The following LHX6 variants were observed in gnomAD, a reference collection of about 807,000 sequenced individuals.
LHX6 encodes the protein LIM/homeobox protein Lhx6.
LHX6 carries 15 observed loss-of-function variants against 47.1 expected under a neutral mutation model. The observed-to-expected ratio is 0.32, with a 90% confidence interval of 0.21 to 0.49. The LOEUF is 0.49. LHX6 is among the 20% of genes least tolerant of loss of function. LHX6 has a pLI of 0.99. For synonymous variants in LHX6, 242 were observed against 233.5 expected, an observed-to-expected ratio of 1.04 and a Z score of -0.33; for missense variants, 404 against 539.6, an observed-to-expected ratio of 0.75 and a Z score of 2.49.
Position 122,217,009 on chromosome 9 carries a change from G to T in LHX6, c.682+59C>A. 7.2e-7 allele frequency: 1 copy of T among 1,392,318 alleles called. No individual in the cohort carries two copies. The highest frequency in any genetic ancestry group is 2.3e-5 in the East Asian group (1 of 43,190). 86.2% of individuals were successfully genotyped at this position (1,392,318 alleles called of 1,614,324 possible). On this transcript the variant is annotated intron_variant, in intron 5 of 9. Transcript: ENST00000394319. The surrounding 1 kb of genome is among the most constrained non-coding windows in gnomAD (Gnocchi z 4.9). ...GTGTGGGTGGTTCCTGGGGTGCTGG[G>T]GTGGGGTGGGGTGGGAAAGGGCTGG...
At chr9:122,210,101 GA>G (rs749896225) in intron 8 of LHX6, among the ~76,000 whole-genome samples, 1 of 152,064 alleles carries the variant, frequency 6.6e-6, no homozygotes, top group East Asian at 1.9e-4. Flanking sequence ...GTCTTGATCT[GA>G]CCTCATGGGG....
Position 122,213,715 on chromosome 9 carries a change from C to A in LHX6, c.945G>T (p.Ser315=), listed in dbSNP as rs11789619. The change falls in exon 8 of 10, where the codon TCG becomes TCT. Residue 315 remains serine (S), a synonymous_variant. Coordinates refer to ENST00000394319, the MANE Select transcript of LHX6 (RefSeq NM_014368.5). The surrounding 1 kb of genome is among the most constrained non-coding windows in gnomAD (Gnocchi z 5.5). ...AGGGAAGGCGGGACGGGGGCGCCCCCGAGGGCGGCACTGGGTGTTGCGGCG... is the reference window on the plus strand; with the variant it reads ...AGGGAAGGCGGGACGGGGGCGCCCCAGAGGGCGGCACTGGGTGTTGCGGCG... ...KHTPQHPVPP[S]GAPPSRLPSA... 1.2e-6 allele frequency: 2 copies of A among 1,612,094 alleles called. No individual in the cohort carries two copies. The highest frequency in any genetic ancestry group is 1.1e-5 in the South Asian group (1 of 90,880).
chr9:122,228,138 A>C (rs1588368018), intron 1 of LHX6: 1 of 796,686 alleles, frequency 1.3e-6, no homozygotes. Flanking sequence ...CGCGCGGCGA[A>C]ATTGAAGCAG....
chr9:122,214,123 G>A lies in LHX6; in HGVS notation c.784-54C>T. 1.3e-6 allele frequency: 2 copies of A among 1,519,496 alleles called. No individual in the cohort carries two copies. Among genetic ancestry groups the A allele is most frequent in the East Asian group, 2.3e-5 (1 of 42,892 alleles). 94.1% of individuals were successfully genotyped at this position (1,519,496 alleles called of 1,614,324 possible). On this transcript the variant is annotated intron_variant, in intron 6 of 9. Coordinates refer to ENST00000394319, the MANE Select transcript of LHX6 (RefSeq NM_014368.5). This position sits in a 1 kb window ranked among gnomAD's most constrained non-coding sequence, Gnocchi z 4.6. Reference sequence around the variant, plus strand: ...TCGCACGCAGAGACTCCGAGACCCCGGCCCAATCAGCGGCGCCAGTCCACA... The same window carrying A: ...TCGCACGCAGAGACTCCGAGACCCCAGCCCAATCAGCGGCGCCAGTCCACA...
chr9:122,219,614 A>T (rs1462427641), intron 4 of LHX6, among the ~76,000 whole-genome samples: 4 of 151,936 alleles, frequency 2.6e-5, no homozygotes, highest in African/African-American at 9.7e-5. Flanking sequence ...AGACCTTACT[A>T]CGGGCCGGGG....
chr9:122,212,357 T>C lies in LHX6; in HGVS notation c.1054+1249A>G, dbSNP rs1405165839. Among the ~76,000 whole-genome samples the C allele has an allele frequency of 3.3e-5, 5 of 152,284 alleles. No homozygotes were observed. The East Asian group carries it at 5.8e-4, about 18-fold the overall frequency. On this transcript the variant is annotated intron_variant, in intron 8 of 9. Coordinates refer to ENST00000394319, the MANE Select transcript of LHX6 (RefSeq NM_014368.5). The stretch of plus-strand genomic sequence containing the variant: ...TTACAGTGGGCCCTTGGTTTCCTCA[T>C]CTATTCAAGGAGATGGTGGCCTCTG...
intron 9 of LHX6, among the ~76,000 whole-genome samples, chr9:122,207,708 G>A (rs796851078): frequency 4.6e-5 from 7 of 152,168 alleles, no homozygotes; most frequent in South Asian, 2.1e-4. Flanking sequence ...TGTGGTGCCC[G>A]GCACAGAGAG....
At position 122,204,696 on chromosome 9, in the gene LHX6, G is replaced by A; in HGVS notation, c.*64C>T. The A allele has an allele frequency of 6.3e-7, 1 of 1,587,942 alleles. No individual in the cohort carries two copies. The highest frequency in any genetic ancestry group is 1.3e-5 in the African/African-American group (1 of 74,276). On this transcript the variant is annotated 3_prime_UTR_variant, in exon 10 of 10. Coordinates refer to ENST00000394319, the MANE Select transcript of LHX6 (RefSeq NM_014368.5). ...GACTCCTGGCCGCAGCTTGGACACT[G>A]GATCTCAGCGGCTGAGGGGCAGCTG... is the stretch of plus-strand genomic sequence containing the variant.
At chr9:122,218,753 A>G (rs970287842) in intron 4 of LHX6, among the ~76,000 whole-genome samples, 1 of 152,000 alleles carries the variant, frequency 6.6e-6, no homozygotes, top group Non-Finnish European at 1.5e-5. Context: ...CTAACCTTCA[A>G]GATATGCCGC....
rs1464409379 is a variant in LHX6 at position 122,213,166 on chromosome 9, C to T, written c.1054+440G>A. 6.6e-6 allele frequency among the ~76,000 whole-genome samples: 1 copy of T among 151,996 alleles called. No homozygotes were observed. The highest frequency in any genetic ancestry group is 1.5e-5 in the Non-Finnish European group (1 of 67,992). ...TCTGCTTGCTGAAAGGCAGCCCAGC[C>T]CCTTCCCTTCCACCCCGCAGCATCT... is the stretch of plus-strand genomic sequence containing the variant. On this transcript the variant is annotated intron_variant, in intron 8 of 9. Transcript: ENST00000394319. This position sits in a 1 kb window ranked among gnomAD's most constrained non-coding sequence, Gnocchi z 5.5.
chr9:122,227,016 G>A lies in LHX6; in HGVS notation c.171C>T (p.Ala57=), dbSNP rs1302252552. The part of the protein sequence containing the change: ...TAPPAMAQSD[A]EALAGALDKD... ...TGTCCAGAGCTCCTGCCAGGGCCTC[G>A]GCGTCAGACTGAGCCTGCGGCGGGG... Residue 57 remains alanine (A), a synonymous_variant, in exon 3 of 10, where the codon GCC becomes GCT. Coordinates refer to ENST00000394319, the MANE Select transcript of LHX6 (RefSeq NM_014368.5). The A allele has an allele frequency of 2.0e-6, 3 of 1,504,574 alleles. No homozygotes were observed. Among genetic ancestry groups the A allele is most frequent in the East Asian group, 2.5e-5 (1 of 40,514 alleles). The allele number at this position is 1,504,574 out of a possible 1,614,324, so 93.2% of individuals were successfully genotyped here. A position where few individuals can be genotyped will look rare whatever the true frequency, so the allele number is the denominator to read the frequency against.
chr9:122,228,072 T>G, intron 1 of LHX6: 1 of 552,846 alleles, frequency 1.8e-6, no homozygotes, highest in Non-Finnish European at 3.2e-6. Flanking sequence ...CGGAGGGTGG[T>G]TGAAGAAAAG....
chr9:122,227,680 T>TC, intron 1 of LHX6, 200 bp from the exon 2 acceptor site: 3 of 1,125,222 alleles, frequency 2.7e-6, no homozygotes, highest in Middle Eastern at 2.9e-4. Flanking sequence ...TTGGATTTTT[T>TC]CCCTCTCTCT....
At chr9:122,227,560 C>A in intron 1 of LHX6, 80 bp from the exon 2 acceptor site, 2 of 1,441,132 alleles carry the variant, frequency 1.4e-6, no homozygotes, top group South Asian at 1.4e-5. Flanking sequence ...CGCCTCCCCG[C>A]GCCTGTTATA....
At position 122,213,559 on chromosome 9, in the gene LHX6, G is replaced by A. The variant is rs1286748120; in HGVS notation, c.1054+47C>T. On this transcript the variant is annotated intron_variant, in intron 8 of 9. Transcript: ENST00000394319. The surrounding 1 kb of genome is among the most constrained non-coding windows in gnomAD (Gnocchi z 5.5). ...CAGCCGCCCACGTGCGCTCCTCCGCGCCCCCTCCCCGCAGGCCCAGCGGCT... is the reference window on the plus strand; with the variant it reads ...CAGCCGCCCACGTGCGCTCCTCCGCACCCCCTCCCCGCAGGCCCAGCGGCT... 13 of 1,492,646 alleles carry A rather than the reference G, an allele frequency of 8.7e-6. No individual in the cohort carries two copies. Among genetic ancestry groups the A allele is most frequent in the African/African-American group, 1.4e-5 (1 of 71,738 alleles). 92.5% of individuals were successfully genotyped at this position (1,492,646 alleles called of 1,614,324 possible).
chr9:122,216,853 C>A (rs140314487), intron 5 of LHX6, among the ~76,000 whole-genome samples: 2 of 152,320 alleles, frequency 1.3e-5, no homozygotes, highest in East Asian at 3.9e-4. Context: ...GATAAGGAAA[C>A]ATAGTTACAA....
At chr9:122,212,033 C>T (rs767356347) in intron 8 of LHX6, among the ~76,000 whole-genome samples, 19 of 152,160 alleles carry the variant, frequency 1.2e-4, no homozygotes, top group Non-Finnish European at 2.8e-4. Context: ...GGTGCGAAGA[C>T]AGGGCTCTGC....
At chr9:122,218,562 G>T (rs986166145) in intron 4 of LHX6, among the ~76,000 whole-genome samples, 3 of 151,846 alleles carry the variant, frequency 2.0e-5, no homozygotes, top group South Asian at 4.2e-4. Flanking sequence ...TTCCAGTCTC[G>T]CCCCTGCCAA....
intron 1 of LHX6, chr9:122,228,289 C>G (rs772023670): frequency 1.3e-6 from 2 of 1,534,996 alleles, no homozygotes; most frequent in South Asian, 2.4e-5. Flanking sequence ...CCCTCCAGCC[C>G]CTCGGCGCGC....
Sources: allele counts gnomAD v4.1 joint callset (sites outside exome capture counted in the v4.1 genomes callset), GRCh38; gene constraint gnomAD v4.1.1; non-coding constraint Gnocchi (gnomAD v3.1); transcripts MANE v1.5; gene names NCBI Gene and HGNC (gene_info 2026-07-23, HGNC 2026-07-21).